DHX32: variants seen among roughly 807,000 people sequenced by gnomAD.
DHX32 encodes the protein putative pre-mRNA-splicing factor ATP-dependent RNA helicase DHX32.
DHX32 carries 51 observed loss-of-function variants against 70.0 expected under a neutral mutation model. The observed-to-expected ratio is 0.73, with a 90% confidence interval of 0.58 to 0.92. The LOEUF is 0.92. Among genes scored for constraint, DHX32 ranks in the 40% least tolerant of loss-of-function variants. DHX32 has a pLI of 0.00. For synonymous variants in DHX32, 310 were observed against 315.3 expected, an observed-to-expected ratio of 0.98 and a Z score of 0.18; for missense variants, 762 against 891.8, an observed-to-expected ratio of 0.85 and a Z score of 1.85.
intron 1 of DHX32, among the ~76,000 whole-genome samples, chr10:125,869,828 T>C (rs1777573831): frequency 6.6e-6 from 1 of 151,996 alleles, no homozygotes; most frequent in African/African-American, 2.4e-5. Context: ...ATCTGACATA[T>C]GGTAGGGATA....
chr10:125,896,344 G>A (rs1944524200), exon 1 of DHX32: 3 of 352,476 alleles, frequency 8.5e-6, no homozygotes, highest in Non-Finnish European at 1.0e-5. Context: ...GCGACGTCGG[G>A]GCACAGGTCC....
At chr10:125,875,525 C>A (rs1205940213) in intron 1 of DHX32, among the ~76,000 whole-genome samples, 1 of 152,092 alleles carries the variant, frequency 6.6e-6, no homozygotes, top group Non-Finnish European at 1.5e-5. Context: ...ATTTATGAGT[C>A]CACATTGACA....
chr10:125,838,286 C>T lies in DHX32; in HGVS notation c.1983G>A (p.Met661Ile). 1 of 1,613,926 alleles carries T rather than the reference C, an allele frequency of 6.2e-7. No individual in the cohort carries two copies. The highest frequency in any genetic ancestry group is 2.2e-5 in the East Asian group (1 of 44,872). Residue 661 changes from methionine (M) to isoleucine (I), a missense_variant, in exon 10 of 11, where the codon ATG becomes ATA. Physicochemically the swap from Met to Ile is conservative, Grantham distance 10. Coordinates refer to ENST00000284690, the MANE Select transcript of DHX32 (RefSeq NM_018180.3). ...PLSGYSITKKMPEWVLFHKFS... is the reference protein window; with the variant it reads ...PLSGYSITKKIPEWVLFHKFS... ...ATTTATGGAAGAGGACCCACTCTGG[C>T]ATCTTCTTGGTGATTGAGTAACCAG...
rs558232356 is a variant in DHX32 at position 125,889,171 on chromosome 10, A to G, written c.-248+7047T>C. 2.6e-5 allele frequency among the ~76,000 whole-genome samples: 4 copies of G among 152,354 alleles called. No individual in the cohort carries two copies. The East Asian group carries it at 7.7e-4, about 29-fold the overall frequency. On this transcript the variant is annotated intron_variant, in intron 1 of 2. Transcript: ENST00000415732. ...TAACACTATTGCAAACACTCACTGC[A>G]TATATTCAACACATTTATTTAGATT...
intron 1 of DHX32, among the ~76,000 whole-genome samples, chr10:125,877,253 G>A (rs574211166): frequency 4.6e-5 from 7 of 152,242 alleles, no homozygotes; most frequent in East Asian, 3.9e-4. Context: ...TTAGCTTCTC[G>A]TAATGAACTG....
chr10:125,881,080 C>G lies in DHX32; in HGVS notation c.-256G>C, dbSNP rs1052382368. The G allele has an allele frequency of 2.7e-6, 1 of 365,644 alleles. No individual in the cohort carries two copies. The highest frequency in any genetic ancestry group is 4.9e-6 in the Non-Finnish European group (1 of 206,142). 22.6% of individuals were successfully genotyped at this position (365,644 alleles called of 1,614,324 possible). A position where few individuals can be genotyped will look rare whatever the true frequency, so the allele number is the denominator to read the frequency against. On this transcript the variant is annotated 5_prime_UTR_variant, in exon 1 of 11. Transcript: ENST00000284690. Reference sequence around the variant, plus strand: ...ATTGTCAATAAACCACACTAAGAAACAAACAAACAAAAAGAGTAAGGAAAA... The same window carrying G: ...ATTGTCAATAAACCACACTAAGAAAGAAACAAACAAAAAGAGTAAGGAAAA...
upstream of DHX32, chr10:125,896,472 T>G: frequency 8.5e-7 from 1 of 1,176,194 alleles, no homozygotes; most frequent in Non-Finnish European, 1.1e-6. Context: ...GACGCGCGGG[T>G]CCTCACGCGC....
chr10:125,883,077 G>A (rs1443469331), upstream of DHX32, among the ~76,000 whole-genome samples: 2 of 152,126 alleles, frequency 1.3e-5, no homozygotes, highest in Non-Finnish European at 2.9e-5. Flanking sequence ...CCCTAAGAGT[G>A]TAATAATCTT....
intron 3 of DHX32, among the ~76,000 whole-genome samples, chr10:125,857,633 AATG>A (rs1255864396): frequency 1.3e-5 from 2 of 152,214 alleles, no homozygotes; most frequent in Non-Finnish European, 2.9e-5. Context: ...CAGCCTGGAT[AATG>A]ATGCATGTTC....
In DHX32 at chr10:125,836,430, GT is replaced by G; in HGVS notation, c.*256del. 1 of 1,439,176 alleles carries G rather than the reference GT, an allele frequency of 6.9e-7. No homozygotes were observed. The allele number at this position is 1,439,176 out of a possible 1,614,324, so 89.2% of individuals were successfully genotyped here. A position where few individuals can be genotyped will look rare whatever the true frequency, so the allele number is the denominator to read the frequency against. ...TCTCTGACACATTTACAAAATACCAGTTTTTTAAAATTTTGGTCAAATTATG... is the reference window on the plus strand; with the variant it reads ...TCTCTGACACATTTACAAAATACCAGTTTTTAAAATTTTGGTCAAATTATG... On this transcript the variant is annotated 3_prime_UTR_variant, in exon 11 of 11. Transcript: ENST00000284690.
chr10:125,838,901 C>T (rs779930197), intron 9 of DHX32, 100 bp downstream of exon 9: 15 of 1,299,250 alleles, frequency 1.2e-5, no homozygotes, highest in South Asian at 4.6e-5. Context: ...TTTAGTTTTA[C>T]TTAATGTCAA....
chr10:125,860,990 G>T (rs374446337), intron 2 of DHX32, among the ~76,000 whole-genome samples: 3 of 151,826 alleles, frequency 2.0e-5, no homozygotes, highest in East Asian at 4.0e-4. Context: ...CTGACCTTGT[G>T]ATCCAGCCAC....
chr10:125,836,993 CA>C, intron 10 of DHX32, 138 bp from the exon 11 acceptor site: 1 of 700,966 alleles, frequency 1.4e-6, no homozygotes, highest in Non-Finnish European at 2.4e-6. Flanking sequence ...GATAGTATCT[CA>C]GTCCGACTTT....
In DHX32 at chr10:125,848,157, AG is replaced by A. The variant is rs144276314; in HGVS notation, c.1351+4135del. 4.8e-3 allele frequency among the ~76,000 whole-genome samples: 729 copies of A among 152,312 alleles called. 7 individuals are homozygous for A. Among genetic ancestry groups the A allele is most frequent in the African/African-American group, 0.016 (663 of 41,558 alleles). On this transcript the variant is annotated intron_variant, in intron 6 of 10. Transcript: ENST00000284690. ...TTGGGCATTGTGTAAAAGAGTCCAC[AG>A]GGGGAGAAACTGAAGAATGAAGAGA...
At chr10:125,839,757 G>A (rs1012365511) in intron 8 of DHX32, among the ~76,000 whole-genome samples, 10 of 152,156 alleles carry the variant, frequency 6.6e-5, no homozygotes, top group Admixed American at 6.5e-4. Context: ...AGGCATGTGG[G>A]TGAGTTTGAA....
At chr10:125,882,769 C>G (rs553453135), upstream of DHX32, among the ~76,000 whole-genome samples, 1 of 152,300 alleles carries the variant, frequency 6.6e-6, no homozygotes, top group African/African-American at 2.4e-5. Flanking sequence ...AGTAGACCCA[C>G]AGAATAGCTC....
chr10:125,837,199 A>G (rs574328977), intron 10 of DHX32, among the ~76,000 whole-genome samples: 3 of 152,256 alleles, frequency 2.0e-5, no homozygotes, highest in East Asian at 3.9e-4. Flanking sequence ...TGGGTAGGGG[A>G]GAGAGGGGGT....
intron 7 of DHX32, chr10:125,841,408 C>T: frequency 6.2e-7 from 1 of 1,602,944 alleles, no homozygotes; most frequent in Non-Finnish European, 8.5e-7. Flanking sequence ...AAATAAAAAA[C>T]AGGCACACAA....
chr10:125,862,292 A>G (rs1564828750), intron 2 of DHX32, among the ~76,000 whole-genome samples: 1 of 152,132 alleles, frequency 6.6e-6, no homozygotes, highest in African/African-American at 2.4e-5. Context: ...TTCTTTTCAT[A>G]CAGGTTCTCA....
Sources: allele counts gnomAD v4.1 joint callset (sites outside exome capture counted in the v4.1 genomes callset), GRCh38; gene constraint gnomAD v4.1.1; transcripts MANE v1.5; gene names NCBI Gene and HGNC (gene_info 2026-07-23, HGNC 2026-07-21).